AUTS2: variants seen among roughly 807,000 people sequenced by gnomAD.
AUTS2 encodes activator of transcription and developmental regulator AUTS2.
A neutral mutation model predicts 112.4 loss-of-function variants in AUTS2; 17 were observed. The ratio of observed to expected loss-of-function variants is 0.15; its 90% CI spans 0.10 to 0.23. The LOEUF (loss-of-function observed/expected upper bound fraction) is 0.23, where lower values mean the gene tolerates loss of function less well. Ranked by LOEUF, AUTS2 falls within the 10% of genes least tolerant of loss-of-function variation. AUTS2 has a pLI of 1.00. For synonymous variants in AUTS2, 751 were observed against 702.7 expected, an observed-to-expected ratio of 1.07 and a Z score of -1.09; for missense variants, 1,510 against 1,701.6, an observed-to-expected ratio of 0.89 and a Z score of 1.98.
intron 2 of AUTS2, among the ~76,000 whole-genome samples, chr7:70,029,499 T>A (rs1262232006): frequency 2.6e-5 from 4 of 152,148 alleles, no homozygotes; most frequent in African/African-American, 9.7e-5. Flanking sequence ...ATTTGTTGAA[T>A]TGGATTATAT....
intron 4 of AUTS2, among the ~76,000 whole-genome samples, chr7:70,311,821 G>C (rs1266648779): frequency 1.3e-5 from 2 of 152,198 alleles, no homozygotes; most frequent in East Asian, 3.9e-4. Context: ...GGTTCACACT[G>C]TTCTCGTGCC....
chr7:69,721,060 T>C (rs1234761503), intron 1 of AUTS2, among the ~76,000 whole-genome samples: 6 of 152,230 alleles, frequency 3.9e-5, no homozygotes, highest in Non-Finnish European at 8.8e-5. Context: ...CCAATTGTTA[T>C]GCTGGTCAGC....
intron 4 of AUTS2, among the ~76,000 whole-genome samples, chr7:70,155,872 C>T (rs774754744): frequency 8.5e-5 from 13 of 152,292 alleles, no homozygotes; most frequent in Non-Finnish European, 1.8e-4. Flanking sequence ...GAATCACTTT[C>T]ACCTGGAATA....
chr7:70,225,105 G>A (rs1811696571), intron 4 of AUTS2, among the ~76,000 whole-genome samples: 1 of 152,106 alleles, frequency 6.6e-6, no homozygotes, highest in Non-Finnish European at 1.5e-5. Flanking sequence ...TTTCTTCTCA[G>A]TTTAAGAAGC....
At chr7:69,737,429 T>C (rs1787081089) in intron 1 of AUTS2, among the ~76,000 whole-genome samples, 1 of 152,160 alleles carries the variant, frequency 6.6e-6, no homozygotes, top group African/African-American at 2.4e-5. Context: ...ACCTAGCTAG[T>C]AAAAGTCGGG....
Position 70,363,879 on chromosome 7 carries a change from C to A in AUTS2, c.661-71873C>A, listed in dbSNP as rs1371090807. Among the ~76,000 whole-genome samples the A allele has an allele frequency of 2.0e-5, 3 of 152,190 alleles. No homozygotes were observed. The East Asian group carries it at 5.8e-4, about 29-fold the overall frequency. ...CAGTCCTCCTCTAGCCTATTTATCT[C>A]ATTTGTTAATTAGCTAGCTAGCTTT... is the stretch of plus-strand genomic sequence containing the variant. On this transcript the variant is annotated intron_variant, in intron 4 of 18. Coordinates refer to ENST00000342771, the MANE Select transcript of AUTS2 (RefSeq NM_015570.4).
chr7:70,646,127 C>T (rs191817918), intron 5 of AUTS2, among the ~76,000 whole-genome samples: 100 of 152,332 alleles, frequency 6.6e-4, no homozygotes, highest in Admixed American at 5.0e-3. Flanking sequence ...AATGCATCGA[C>T]AGACCTACAA....
At chr7:69,855,922 T>A (rs958159686) in intron 1 of AUTS2, among the ~76,000 whole-genome samples, 5 of 152,116 alleles carry the variant, frequency 3.3e-5, no homozygotes, top group African/African-American at 1.2e-4. Context: ...GGACCTTAGG[T>A]TGGCTAATTT....
intron 2 of AUTS2, among the ~76,000 whole-genome samples, chr7:70,031,751 T>TAATAAGAGCA (rs1800790808): frequency 6.6e-6 from 1 of 152,170 alleles, no homozygotes; most frequent in Non-Finnish European, 1.5e-5. Flanking sequence ...CTCCTGTTTC[T>TAATAAGAGCA]GTGTATTCAT....
At chr7:69,798,849 G>A (rs1276051180) in intron 1 of AUTS2, among the ~76,000 whole-genome samples, 3 of 151,916 alleles carry the variant, frequency 2.0e-5, no homozygotes, top group South Asian at 4.2e-4. Flanking sequence ...ATTTTAGCTG[G>A]GTGTGATGGT....
intron 3 of AUTS2, among the ~76,000 whole-genome samples, chr7:70,121,128 G>A (rs1201026851): frequency 2.6e-5 from 4 of 152,178 alleles, no homozygotes; most frequent in Admixed American, 2.6e-4. Context: ...ATGGTGTTGA[G>A]AGAACTGGAT....
At chr7:70,432,285 C>A (rs1795705421) in intron 4 of AUTS2, among the ~76,000 whole-genome samples, 1 of 152,174 alleles carries the variant, frequency 6.6e-6, no homozygotes, top group South Asian at 2.1e-4. Flanking sequence ...CATAAACCTG[C>A]ATCAGGAGGT....
chr7:70,550,913 G>A (rs1206005435), intron 5 of AUTS2, among the ~76,000 whole-genome samples: 1 of 152,128 alleles, frequency 6.6e-6, no homozygotes, highest in South Asian at 2.1e-4. Context: ...TAGGACTCCT[G>A]AGTGAAATGG....
At chr7:70,751,019 A>C (rs13230952) in intron 6 of AUTS2, among the ~76,000 whole-genome samples, 61,341 of 152,010 alleles carry the variant, frequency 0.4, 14,402 homozygotes, top group African/African-American at 0.65. Flanking sequence ...TAGCTAAATG[A>C]CTTGTTCCAT....
intron 4 of AUTS2, among the ~76,000 whole-genome samples, chr7:70,222,246 T>C (rs1024161164): frequency 9.8e-5 from 15 of 152,330 alleles, no homozygotes; most frequent in Admixed American, 3.9e-4. Flanking sequence ...ATAAACAATA[T>C]TATTTCTTAC....
At chr7:70,702,206 C>A (rs982886176) in intron 6 of AUTS2, among the ~76,000 whole-genome samples, 1 of 152,196 alleles carries the variant, frequency 6.6e-6, no homozygotes, top group Non-Finnish European at 1.5e-5. Context: ...AGAAGGGAAG[C>A]CTGTCTGGGA....
chr7:69,967,325 A>C (rs79631993), intron 2 of AUTS2, among the ~76,000 whole-genome samples: 53,815 of 151,624 alleles, frequency 0.35, 10,124 homozygotes, highest in African/African-American at 0.48. Context: ...GTACCAGGGG[A>C]CATAGCCTGC....
intron 1 of AUTS2, among the ~76,000 whole-genome samples, chr7:69,646,385 C>G (rs1795022419): frequency 6.6e-6 from 1 of 152,080 alleles, no homozygotes; most frequent in African/African-American, 2.4e-5. Context: ...CTTTTCATGA[C>G]ATTTCAGAGT....
chr7:69,927,186 T>TTATATATATATATATATATATA (rs67558137), intron 2 of AUTS2, among the ~76,000 whole-genome samples: 1 of 142,410 alleles, frequency 7.0e-6, no homozygotes, highest in Non-Finnish European at 1.5e-5. Flanking sequence ...TCCAATATAT[T>TTATATATATATATATATATATA]TATATATATA....
Sources: allele counts gnomAD v4.1 joint callset (sites outside exome capture counted in the v4.1 genomes callset), GRCh38; gene constraint gnomAD v4.1.1; transcripts MANE v1.5; gene names NCBI Gene and HGNC (gene_info 2026-07-23, HGNC 2026-07-21).